Variants in GALNT17 observed in about 807,000 individuals in gnomAD.
The protein encoded by GALNT17 is UDP-GalNAc:polypeptide N-acetylgalactosaminyltransferase-like 3.
A neutral mutation model predicts 63.7 loss-of-function variants in GALNT17; 29 were observed. The observed-to-expected ratio is 0.46, with a 90% confidence interval of 0.34 to 0.62. GALNT17 has a LOEUF of 0.62. Among genes scored for constraint, GALNT17 ranks in the 20% least tolerant of loss-of-function variants. The pLI is 0.01. For missense variants in GALNT17, 603 were observed against 799.6 expected (o/e 0.75, Z 2.97); for synonymous variants, 305 against 318.3 (o/e 0.96, Z 0.45).
intron 1 of GALNT17, among the ~76,000 whole-genome samples, chr7:71,244,238 G>A (rs56344878): frequency 0.034 from 5,173 of 152,288 alleles, 115 homozygotes; most frequent in South Asian, 0.058. Context: ...GCTCCCACTT[G>A]CTCATTCTCT....
chr7:71,170,409 C>T (rs534056292), intron 1 of GALNT17, among the ~76,000 whole-genome samples: 3 of 152,076 alleles, frequency 2.0e-5, no homozygotes, highest in Non-Finnish European at 4.4e-5. Context: ...CATCTCGGCT[C>T]ACCGCAACCT....
At chr7:71,697,984 A>T (rs541182823) in intron 9 of GALNT17, among the ~76,000 whole-genome samples, 382 of 152,122 alleles carry the variant, frequency 2.5e-3, no homozygotes, top group African/African-American at 8.5e-3. Context: ...TTAGCCAGGC[A>T]TGGTGGTGGG....
chr7:71,652,840 C>A (rs1358508135), intron 6 of GALNT17, among the ~76,000 whole-genome samples: 1 of 152,164 alleles, frequency 6.6e-6, no homozygotes, highest in Non-Finnish European at 1.5e-5. Context: ...TTACAGAACC[C>A]GCCATAGCTC....
intron 1 of GALNT17, among the ~76,000 whole-genome samples, chr7:71,276,822 AC>A (rs1323157090): frequency 6.6e-6 from 1 of 152,038 alleles, no homozygotes; most frequent in Non-Finnish European, 1.5e-5. Context: ...ACATGGTGAA[AC>A]CCCCTATCTA....
intron 8 of GALNT17, among the ~76,000 whole-genome samples, chr7:71,670,740 T>C (rs1015433101): frequency 2.0e-5 from 3 of 152,162 alleles, no homozygotes; most frequent in Admixed American, 2.0e-4. Context: ...ATTTCTGTTT[T>C]CTTGATAAGA....
intron 9 of GALNT17, among the ~76,000 whole-genome samples, chr7:71,710,357 A>G (rs1183389589): frequency 6.6e-6 from 1 of 152,036 alleles, no homozygotes; most frequent in Non-Finnish European, 1.5e-5. Flanking sequence ...AAAATACAAA[A>G]ATTAGCCGTG....
At chr7:71,499,240 T>C (rs1167372899) in intron 5 of GALNT17, among the ~76,000 whole-genome samples, 1 of 152,202 alleles carries the variant, frequency 6.6e-6, no homozygotes, top group East Asian at 1.9e-4. Flanking sequence ...TGGGGCAGGG[T>C]TGGGGAGTGG....
chr7:71,529,453 A>G (rs1788678883), intron 5 of GALNT17, among the ~76,000 whole-genome samples: 1 of 152,244 alleles, frequency 6.6e-6, no homozygotes, highest in African/African-American at 2.4e-5. Context: ...CAGTCAAATC[A>G]CAGATGTATA....
At chr7:71,611,236 C>A (rs1418152060) in intron 6 of GALNT17, among the ~76,000 whole-genome samples, 1 of 151,996 alleles carries the variant, frequency 6.6e-6, no homozygotes, top group Non-Finnish European at 1.5e-5. Context: ...CCTGTTGTTC[C>A]CTCATGAGAA....
At chr7:71,300,016 G>A (rs1054359979) in intron 1 of GALNT17, among the ~76,000 whole-genome samples, 10 of 152,088 alleles carry the variant, frequency 6.6e-5, no homozygotes, top group Non-Finnish European at 1.2e-4. Context: ...GACCTCAGGT[G>A]ATCCACCCAC....
chr7:71,513,208 G>T (rs74337598), intron 5 of GALNT17, among the ~76,000 whole-genome samples: 1 of 151,838 alleles, frequency 6.6e-6, no homozygotes, highest in East Asian at 1.9e-4. Context: ...ATTTTCATTT[G>T]CAGCTCTTTA....
chr7:71,529,281 A>G (rs1462997981), intron 5 of GALNT17, among the ~76,000 whole-genome samples: 3 of 151,588 alleles, frequency 2.0e-5, no homozygotes, highest in African/African-American at 7.3e-5. Context: ...CTCTATGTTT[A>G]CAACTCCAAT....
chr7:71,458,105 C>T lies in GALNT17; in HGVS notation c.962+37000C>T, dbSNP rs1224550366. ...AAGCAGAGATCTGTGTGAGGGGTCA[C>T]CTGCTGCCAGGGCTCAGGCAGCAGG... On this transcript the variant is annotated intron_variant, in intron 5 of 10. Coordinates refer to ENST00000333538, the MANE Select transcript of GALNT17 (RefSeq NM_022479.3). Among the ~76,000 whole-genome samples the T allele has an allele frequency of 2.0e-5, 3 of 152,256 alleles. No homozygotes were observed. The East Asian group carries it at 5.8e-4, about 30-fold the overall frequency.
In GALNT17 at chr7:71,487,875, C is replaced by T. The variant is rs886618116; in HGVS notation, c.962+66770C>T. ...CATATAGGTGGCCAGCCATCAAGAT[C>T]CCAGTTTTGGAGCCGGGCATGGTAG... On this transcript the variant is annotated intron_variant, in intron 5 of 10. Transcript: ENST00000333538. Among the ~76,000 whole-genome samples, 4 of 151,984 alleles carry T rather than the reference C, an allele frequency of 2.6e-5. No homozygotes were observed. In the East Asian group the frequency reaches 5.8e-4, roughly 22 times the overall value.
intron 1 of GALNT17, among the ~76,000 whole-genome samples, chr7:71,136,880 C>G (rs545181985): frequency 3.3e-5 from 5 of 151,806 alleles, no homozygotes; most frequent in Non-Finnish European, 5.9e-5. Flanking sequence ...TCTACTTCCC[C>G]GGCTCAAGTG....
chr7:71,475,504 C>T (rs766878576), intron 5 of GALNT17, among the ~76,000 whole-genome samples: 9 of 152,092 alleles, frequency 5.9e-5, no homozygotes, highest in Non-Finnish European at 1.2e-4. Flanking sequence ...AATCTAATGC[C>T]GCTGCTGATC....
intron 3 of GALNT17, among the ~76,000 whole-genome samples, chr7:71,390,643 G>A (rs542960835): frequency 6.6e-6 from 1 of 152,170 alleles, no homozygotes; most frequent in South Asian, 2.1e-4. Flanking sequence ...CAGACCTCTT[G>A]CTCCAGCAGT....
intron 1 of GALNT17, among the ~76,000 whole-genome samples, chr7:71,138,794 C>T (rs144188757): frequency 6.6e-6 from 1 of 152,000 alleles, no homozygotes; most frequent in African/African-American, 2.4e-5. Flanking sequence ...GCCAACATGG[C>T]GAAACCCTGT....
Position 71,150,534 on chromosome 7 carries a change from A to G in GALNT17, c.238+17494A>G, listed in dbSNP as rs1286071935. ...TCTTTTTCTTTTTTTTTTTTTTGAGATGGAGTCTTGCTGTGTCCCAGGCTG... is the reference window on the plus strand; with the variant it reads ...TCTTTTTCTTTTTTTTTTTTTTGAGGTGGAGTCTTGCTGTGTCCCAGGCTG... On this transcript the variant is annotated intron_variant, in intron 1 of 10. Coordinates refer to ENST00000333538, the MANE Select transcript of GALNT17 (RefSeq NM_022479.3). Among the ~76,000 whole-genome samples, 3 of 137,878 alleles carry G rather than the reference A, an allele frequency of 2.2e-5. No individual in the cohort carries two copies. In the Admixed American group the frequency reaches 2.3e-4, roughly 11 times the overall value. The allele number at this position is 137,878 out of a possible 152,430, so 90.5% of individuals were successfully genotyped here.
Sources: allele counts gnomAD v4.1 joint callset (sites outside exome capture counted in the v4.1 genomes callset), GRCh38; gene constraint gnomAD v4.1.1; transcripts MANE v1.5; gene names NCBI Gene and HGNC (gene_info 2026-07-23, HGNC 2026-07-21).